Variants in VTI1A observed in about 807,000 individuals in gnomAD.
The protein encoded by VTI1A is vesicle transport through interaction with t-SNAREs 1A.
In VTI1A, 22 loss-of-function variants were observed where a neutral mutation model predicts 34.9. The observed-to-expected ratio is 0.63, with a 90% CI of 0.45 to 0.90. VTI1A has a LOEUF of 0.90. Ranked by LOEUF, VTI1A falls within the 40% of genes least tolerant of loss-of-function variation. The pLI, the probability that VTI1A is intolerant of heterozygous loss-of-function variation, is 0.00. For synonymous variants in VTI1A, 87 were observed against 97.3 expected, an observed-to-expected ratio of 0.89 and a Z score of 0.62; for missense variants, 268 against 275.6, an observed-to-expected ratio of 0.97 and a Z score of 0.20.
Position 112,578,689 on chromosome 10 carries a change from G to A in VTI1A, c.427+40359G>A, listed in dbSNP as rs139783758. ...CTTAATATTTTCAAATCTATTTTAA[G>A]TTAGCTCACTTTTTGAAAGCGTAGC... On this transcript the variant is annotated intron_variant, in intron 5 of 7. Transcript: ENST00000393077. Among the ~76,000 whole-genome samples the A allele has an allele frequency of 4.9e-3, 739 of 152,196 alleles. 4 individuals are homozygous for A. Among genetic ancestry groups the A allele is most frequent in the Non-Finnish European group, 6.3e-3 (428 of 68,004 alleles).
chr10:112,749,136 A>G (rs571505723), intron 7 of VTI1A, among the ~76,000 whole-genome samples: 1 of 152,208 alleles, frequency 6.6e-6, no homozygotes, highest in Non-Finnish European at 1.5e-5. Context: ...ATGCATTAAT[A>G]CATGAACCAA....
At chr10:112,663,217 C>T (rs1847525772) in intron 5 of VTI1A, among the ~76,000 whole-genome samples, 1 of 152,172 alleles carries the variant, frequency 6.6e-6, no homozygotes, top group African/African-American at 2.4e-5. Flanking sequence ...AAGCCTACAT[C>T]ATCATTTAAT....
At chr10:112,667,635 C>T (rs1169555196) in intron 5 of VTI1A, among the ~76,000 whole-genome samples, 2 of 152,166 alleles carry the variant, frequency 1.3e-5, no homozygotes, top group Admixed American at 6.5e-5. Context: ...TGCACCTCAC[C>T]TTGAGTTGAC....
chr10:112,825,336 A>T, the VTI1A span: 1 of 152,110 alleles, frequency 6.6e-6, no homozygotes, highest in Admixed American at 6.6e-5. Flanking sequence ...CCTGTGGGGG[A>T]GGGGGACAAG....
chr10:112,496,196 C>CCCCG (rs1554888952), intron 3 of VTI1A, among the ~76,000 whole-genome samples: 2 of 122,494 alleles, frequency 1.6e-5, no homozygotes, highest in Non-Finnish European at 3.5e-5. Context: ...CCCCCCCCCC[C>CCCCG]CCCCCGCCGT....
At chr10:112,478,513 T>C (rs769866073) in intron 3 of VTI1A, among the ~76,000 whole-genome samples, 1 of 152,232 alleles carries the variant, frequency 6.6e-6, no homozygotes, top group South Asian at 2.1e-4. Context: ...GTAAACCCTC[T>C]TCTGCGTTGC....
At chr10:112,607,084 C>A (rs1175501493) in intron 5 of VTI1A, among the ~76,000 whole-genome samples, 2 of 151,938 alleles carry the variant, frequency 1.3e-5, no homozygotes, top group African/African-American at 4.8e-5. Flanking sequence ...GTCAGGAGTT[C>A]GAGACCAGCC....
At chr10:112,789,900 C>CTATTG (rs1373954806) in intron 7 of VTI1A, among the ~76,000 whole-genome samples, 1 of 149,786 alleles carries the variant, frequency 6.7e-6, no homozygotes, top group Non-Finnish European at 1.5e-5. Context: ...GAGTCAGTTT[C>CTATTG]TATTGACTGC....
In VTI1A at chr10:112,816,153, G is replaced by A. The variant is rs1055241649; in HGVS notation, c.*770G>A. ...TGGTACAGGATTTAATTGTGACCTC[G>A]TCTTCCCTGACCTGTGTAAGCATCT... On this transcript the variant is annotated 3_prime_UTR_variant, in exon 8 of 8. Coordinates refer to ENST00000393077, the MANE Select transcript of VTI1A (RefSeq NM_145206.4). 20 of 218,602 alleles carry A rather than the reference G, an allele frequency of 9.1e-5. No individual in the cohort carries two copies. Among genetic ancestry groups the A allele is most frequent in the African/African-American group, 3.4e-4 (15 of 44,480 alleles). The allele number at this position is 218,602 out of a possible 1,614,324, so 13.5% of individuals were successfully genotyped here.
intron 3 of VTI1A, among the ~76,000 whole-genome samples, chr10:112,494,530 T>A (rs567022646): frequency 6.6e-6 from 1 of 152,082 alleles, no homozygotes; most frequent in East Asian, 1.9e-4. Flanking sequence ...TCTTTCCTCC[T>A]CCTTTCCTCG....
chr10:112,737,249 CTTT>C (rs56710609), intron 7 of VTI1A: 1,519 of 668,812 alleles, frequency 2.3e-3, no homozygotes, highest in East Asian at 0.012. Context: ...TTTTGTATTT[CTTT>C]TTTTTTTTTT....
At chr10:112,746,763 T>C (rs752929681) in intron 7 of VTI1A, among the ~76,000 whole-genome samples, 1 of 152,242 alleles carries the variant, frequency 6.6e-6, no homozygotes, top group South Asian at 2.1e-4. Context: ...AAACTCAACA[T>C]TGGCTGCTAT....
chr10:112,773,329 C>T (rs558223440), intron 7 of VTI1A, among the ~76,000 whole-genome samples: 8 of 152,316 alleles, frequency 5.3e-5, no homozygotes, highest in Non-Finnish European at 4.4e-5. Context: ...AGTTGCCACA[C>T]AAAGCATGCA....
intron 7 of VTI1A, among the ~76,000 whole-genome samples, chr10:112,730,371 T>C (rs1201859503): frequency 6.6e-6 from 1 of 152,184 alleles, no homozygotes; most frequent in Non-Finnish European, 1.5e-5. Context: ...AAAGTTGAAG[T>C]CCCTGCCAAT....
At chr10:112,457,637 A>C (rs766549648) in intron 1 of VTI1A, among the ~76,000 whole-genome samples, 3 of 152,318 alleles carry the variant, frequency 2.0e-5, no homozygotes, top group Middle Eastern at 3.4e-3. Flanking sequence ...GAAATATATC[A>C]GCGTTAGAGA....
chr10:112,785,131 T>C (rs1342478783), intron 7 of VTI1A, among the ~76,000 whole-genome samples: 1 of 152,240 alleles, frequency 6.6e-6, no homozygotes, highest in African/African-American at 2.4e-5. Context: ...CAGTAATGTT[T>C]TCCCACACAT....
chr10:112,759,951 T>C (rs1851403483), intron 7 of VTI1A, among the ~76,000 whole-genome samples: 1 of 152,226 alleles, frequency 6.6e-6, no homozygotes, highest in East Asian at 1.9e-4. Flanking sequence ...ATCTGAGAAG[T>C]GACGGGGCAG....
intron 5 of VTI1A, among the ~76,000 whole-genome samples, chr10:112,654,939 CTG>C (rs1353339207): frequency 4.6e-5 from 7 of 152,330 alleles, no homozygotes; most frequent in African/African-American, 1.7e-4. Flanking sequence ...CCCACTTCCT[CTG>C]TAGATTGCTC....
chr10:112,685,504 G>A (rs779857135), intron 7 of VTI1A, among the ~76,000 whole-genome samples: 3 of 151,904 alleles, frequency 2.0e-5, no homozygotes, highest in Non-Finnish European at 4.4e-5. Flanking sequence ...AAGTCTCGCT[G>A]GTTCTTACCT....
Sources: allele counts gnomAD v4.1 joint callset (sites outside exome capture counted in the v4.1 genomes callset), GRCh38; gene constraint gnomAD v4.1.1; transcripts MANE v1.5; gene names NCBI Gene and HGNC (gene_info 2026-07-23, HGNC 2026-07-21).